RASAL2: variants seen among roughly 807,000 people sequenced by gnomAD.
RASAL2 encodes the protein RAS protein activator like 2.
RASAL2 carries 58 observed loss-of-function variants against 128.9 expected under a neutral mutation model. The ratio of observed to expected loss-of-function variants is 0.45; its 90% confidence interval spans 0.36 to 0.56. The LOEUF is 0.56. RASAL2 is among the 20% of genes least tolerant of loss of function. The probability of loss-of-function intolerance (pLI) is 0.00; values close to 1 mark genes in which losing one functional copy is unlikely to be tolerated. For missense variants in RASAL2, 1,360 were observed against 1,601.6 expected (o/e 0.85, Z 2.57); for synonymous variants, 561 against 580.8 (o/e 0.97, Z 0.49).
At chr1:178,381,894 G>C (rs1050373105) in intron 3 of RASAL2, among the ~76,000 whole-genome samples, 1 of 152,136 alleles carries the variant, frequency 6.6e-6, no homozygotes, top group Non-Finnish European at 1.5e-5. Context: ...GATTAGAAGA[G>C]ATAGTTGATG....
intron 5 of RASAL2, among the ~76,000 whole-genome samples, chr1:178,431,603 A>G (rs955712753): frequency 1.3e-5 from 2 of 152,088 alleles, no homozygotes; most frequent in African/African-American, 4.8e-5. Flanking sequence ...ATGTATGCAC[A>G]TGTGCATGAA....
chr1:178,110,125 T>A (rs1432629246), intron 1 of RASAL2, among the ~76,000 whole-genome samples: 1 of 152,166 alleles, frequency 6.6e-6, no homozygotes, highest in African/African-American at 2.4e-5. Context: ...ATGAAACCAT[T>A]ACCACAAGCA....
chr1:178,262,033 G>A (rs1665722037), intron 1 of RASAL2, among the ~76,000 whole-genome samples: 2 of 152,130 alleles, frequency 1.3e-5, no homozygotes, highest in East Asian at 1.9e-4. Flanking sequence ...GGGCCTGCTA[G>A]GGCTATTTAA....
At chr1:178,215,620 A>G (rs971554831) in intron 1 of RASAL2, among the ~76,000 whole-genome samples, 2 of 152,210 alleles carry the variant, frequency 1.3e-5, no homozygotes, top group Non-Finnish European at 2.9e-5. Flanking sequence ...TCTAATAGGT[A>G]GCAGGATTAG....
At chr1:178,335,043 C>T (rs1274259495) in intron 3 of RASAL2, among the ~76,000 whole-genome samples, 2 of 151,930 alleles carry the variant, frequency 1.3e-5, no homozygotes, top group African/African-American at 4.8e-5. Context: ...CAAGATTGTC[C>T]TTTTGGAGCC....
In RASAL2 at chr1:178,395,793, T is replaced by TATATATATATATATATATATATATATATA. The variant is rs879578177; in HGVS notation, c.564+5587_564+5588insATATATATATATATATATATATATATATA. Among the ~76,000 whole-genome samples, 37 of 124,508 alleles carry TATATATATATATATATATATATATATATA rather than the reference T, an allele frequency of 3.0e-4. 2 individuals carry two copies. The highest frequency in any genetic ancestry group is 1.2e-3 in the African/African-American group (33 of 28,190). 81.7% of individuals were successfully genotyped at this position (124,508 alleles called of 152,430 possible). On this transcript the variant is annotated intron_variant, in intron 4 of 17. Transcript: ENST00000367649. Reference sequence around the variant, plus strand: ...ACAGTATATATATATATATATATATTTATTTATTCATATGTGTATGAATGT... The same window carrying TATATATATATATATATATATATATATATA: ...ACAGTATATATATATATATATATATTATATATATATATATATATATATATATATATATTTATTCATATGTGTATGAATGT...
intron 1 of RASAL2, among the ~76,000 whole-genome samples, chr1:178,181,972 T>G (rs754264165): frequency 6.6e-6 from 1 of 152,190 alleles, no homozygotes; most frequent in Non-Finnish European, 1.5e-5. Context: ...TTTTCCCCCT[T>G]ATTTCCATTC....
intron 3 of RASAL2, among the ~76,000 whole-genome samples, chr1:178,369,138 G>A (rs1034236484): frequency 6.6e-6 from 1 of 152,028 alleles, no homozygotes; most frequent in Non-Finnish European, 1.5e-5. Flanking sequence ...TTTCAATCTA[G>A]AACTTTTTCT....
intron 1 of RASAL2, among the ~76,000 whole-genome samples, chr1:178,131,704 T>C (rs1571519556): frequency 6.6e-6 from 1 of 152,024 alleles, no homozygotes; most frequent in Admixed American, 6.6e-5. Context: ...GACTGAGGAG[T>C]AGGTGAGTTA....
intron 1 of RASAL2, among the ~76,000 whole-genome samples, chr1:178,269,075 G>A (rs974408809): frequency 1.3e-5 from 2 of 152,316 alleles, no homozygotes; most frequent in East Asian, 3.9e-4. Context: ...TGTGAGGAAA[G>A]TGATAAAGAT....
intron 12 of RASAL2, 140 bp from the exon 13 acceptor site, chr1:178,456,581 C>A: frequency 2.3e-6 from 2 of 857,308 alleles, no homozygotes; most frequent in South Asian, 1.5e-5. Context: ...GCATTATGAA[C>A]CTGCCACTCC....
intron 1 of RASAL2, among the ~76,000 whole-genome samples, chr1:178,171,069 G>A (rs1661688883): frequency 1.3e-5 from 2 of 151,866 alleles, no homozygotes; most frequent in African/African-American, 4.8e-5. Flanking sequence ...TCAGCAGTCA[G>A]TAAACTTATA....
chr1:178,417,113 C>A (rs1034241586), intron 4 of RASAL2, among the ~76,000 whole-genome samples: 2 of 151,256 alleles, frequency 1.3e-5, no homozygotes, highest in Non-Finnish European at 2.9e-5. Context: ...TTTCTCTTTT[C>A]TCCTTTTGGT....
intron 1 of RASAL2, among the ~76,000 whole-genome samples, chr1:178,115,227 T>C (rs1345265974): frequency 6.6e-6 from 1 of 152,218 alleles, no homozygotes; most frequent in Non-Finnish European, 1.5e-5. Context: ...TTTGTGTCTT[T>C]GAAGGAATAT....
At chr1:178,445,684 ATTTTC>A (rs1676950070) in intron 9 of RASAL2, 22 bp downstream of exon 9, 1 of 1,582,992 alleles carries the variant, frequency 6.3e-7, no homozygotes, top group Admixed American at 1.8e-5. Context: ...AAAAACATCT[ATTTTC>A]TTTTATTTAC....
chr1:178,317,935 T>C (rs547847634), intron 3 of RASAL2, among the ~76,000 whole-genome samples: 214 of 151,962 alleles, frequency 1.4e-3, no homozygotes, highest in African/African-American at 4.4e-3. Flanking sequence ...CATTTATTGC[T>C]ATAAATTTCC....
chr1:178,220,615 G>T (rs1244042402), intron 1 of RASAL2, among the ~76,000 whole-genome samples: 1 of 152,100 alleles, frequency 6.6e-6, no homozygotes, highest in African/African-American at 2.4e-5. Context: ...TATAAAAAAT[G>T]CAATATCTGC....
chr1:178,276,294 G>A (rs1468637903), intron 1 of RASAL2, among the ~76,000 whole-genome samples: 1 of 152,054 alleles, frequency 6.6e-6, no homozygotes, highest in Non-Finnish European at 1.5e-5. Flanking sequence ...GAATATAGAG[G>A]GTGGGAAGGT....
intron 3 of RASAL2, among the ~76,000 whole-genome samples, chr1:178,325,770 G>C (rs1303305732): frequency 1.3e-5 from 2 of 152,168 alleles, no homozygotes; most frequent in African/African-American, 4.8e-5. Context: ...TACAGTAAAA[G>C]ATGAGCTTTT....
Sources: allele counts gnomAD v4.1 joint callset (sites outside exome capture counted in the v4.1 genomes callset), GRCh38; gene constraint gnomAD v4.1.1; transcripts MANE v1.5; gene names NCBI Gene and HGNC (gene_info 2026-07-23, HGNC 2026-07-21).